HIRA: variants seen among roughly 807,000 people sequenced by gnomAD.
The protein encoded by HIRA is protein HIRA.
In HIRA, 13 loss-of-function variants were observed where a neutral mutation model predicts 126.6. The observed-to-expected ratio is 0.10, with a 90% CI of 0.07 to 0.16. The LOEUF (loss-of-function observed/expected upper bound fraction) is 0.16. Ranked by LOEUF, HIRA falls within the 10% of genes least tolerant of loss-of-function variation. The probability of loss-of-function intolerance (pLI) is 1.00; values close to 1 mark genes in which losing one functional copy is unlikely to be tolerated. For synonymous variants in HIRA, 511 were observed against 520.0 expected, an observed-to-expected ratio of 0.98 and a Z score of 0.24; for missense variants, 834 against 1,314.4, an observed-to-expected ratio of 0.63 and a Z score of 5.65.
chr22:19,377,235 C>G (rs2089028139), intron 14 of HIRA, among the ~76,000 whole-genome samples: 1 of 152,078 alleles, frequency 6.6e-6, no homozygotes, highest in Non-Finnish European at 1.5e-5. Flanking sequence ...CTCTCCCCCA[C>G]CAGCCTACAC....
intron 5 of HIRA, among the ~76,000 whole-genome samples, chr22:19,405,032 G>T (rs913037628): frequency 2.0e-5 from 3 of 152,110 alleles, no homozygotes; most frequent in African/African-American, 7.2e-5. Flanking sequence ...CCATGACAAG[G>T]GACTCCCTCA....
intron 12 of HIRA, among the ~76,000 whole-genome samples, chr22:19,384,640 G>A (rs1437084523): frequency 6.6e-6 from 1 of 151,764 alleles, no homozygotes; most frequent in African/African-American, 2.4e-5. Context: ...CTGTCACTAA[G>A]CTAGGGATTT....
At chr22:19,387,978 G>C (rs945257343) in intron 10 of HIRA, among the ~76,000 whole-genome samples, 162 bp from the exon 11 acceptor site, 39 of 151,462 alleles carry the variant, frequency 2.6e-4, no homozygotes, top group African/African-American at 3.2e-4. Flanking sequence ...TGGGCGGGGG[G>C]GGGAGGGGGC....
chr22:19,430,498 T>C (rs1429647979), intron 1 of HIRA, among the ~76,000 whole-genome samples: 2 of 152,150 alleles, frequency 1.3e-5, no homozygotes, highest in East Asian at 3.9e-4. Context: ...GTAGTCGCAC[T>C]GCAAAGTAGA....
intron 1 of HIRA, among the ~76,000 whole-genome samples, chr22:19,430,953 GACC>G (rs1471146073): frequency 1.3e-5 from 2 of 152,170 alleles, no homozygotes; most frequent in Admixed American, 1.3e-4. Context: ...CCTATTTAGG[GACC>G]ACAATTCCCC....
At chr22:19,367,396 T>C (rs1227708735) in intron 15 of HIRA, among the ~76,000 whole-genome samples, 1 of 149,714 alleles carries the variant, frequency 6.7e-6, no homozygotes, top group Non-Finnish European at 1.5e-5. Context: ...AGACGGAGTC[T>C]CACTCTGTTG....
intron 11 of HIRA, 124 bp downstream of exon 11, chr22:19,387,587 A>G: frequency 1.5e-6 from 1 of 646,588 alleles, no homozygotes; most frequent in East Asian, 2.7e-5. Flanking sequence ...TGAATACCCC[A>G]TTACATGTTA....
chr22:19,359,476 G>A lies in HIRA; in HGVS notation c.2094C>T (p.Ser698=), dbSNP rs148683985. ...PQRAFTLQVS[S]DPSMYIEVEN... The stretch of plus-strand genomic sequence containing the variant: ...CCACCTCAATGTACATGGAAGGATC[G>A]GAGCTGACCTGGATGAAGTAAACAC... The change falls in exon 18 of 25, where the codon TCC becomes TCT. Residue 698 remains serine, a synonymous_variant. Coordinates refer to ENST00000263208, the MANE Select transcript of HIRA (RefSeq NM_003325.4). The A allele has an allele frequency of 4.9e-5, 78 of 1,603,970 alleles. 1 individual carries two copies. Among genetic ancestry groups the A allele is most frequent in the Non-Finnish European group, 6.2e-5 (73 of 1,175,564 alleles).
intron 24 of HIRA, among the ~76,000 whole-genome samples, chr22:19,333,023 C>T (rs919955514): frequency 6.6e-6 from 1 of 152,160 alleles, no homozygotes; most frequent in Non-Finnish European, 1.5e-5. Flanking sequence ...ATCCTCCTGC[C>T]TCAGTTACCC....
intron 1 of HIRA, among the ~76,000 whole-genome samples, chr22:19,415,428 G>C (rs978191167): frequency 4.6e-5 from 7 of 152,162 alleles, no homozygotes; most frequent in Admixed American, 4.6e-4. Context: ...ACTGCTGAAG[G>C]AAATCAAAGA....
At position 19,361,915 on chromosome 22, in the gene HIRA, G is replaced by C. The variant is rs766459895; in HGVS notation, c.1792C>G (p.Leu598Val). The part of the protein sequence containing the change: ...TAVERLKEQN[L>V]VKELRPRDLL... ...TCTCGGGGCCTCAGCTCTTTCACAA[G>C]GTTCTGCTCTTTTAACCTGCACAAA... is the stretch of plus-strand genomic sequence containing the variant. Residue 598 changes from leucine (L) to valine (V), a missense_variant, in exon 16 of 25, where the codon CTT becomes GTT. Leu to Val is a conservative substitution (Grantham distance 32). Transcript: ENST00000263208. 7.4e-6 allele frequency: 12 copies of C among 1,614,156 alleles called. No individual in the cohort carries two copies. The African/African-American group carries it at 1.5e-4, about 20-fold the overall frequency.
At chr22:19,392,478 A>C (rs563028896) in intron 8 of HIRA, among the ~76,000 whole-genome samples, 5 of 152,246 alleles carry the variant, frequency 3.3e-5, no homozygotes, top group Non-Finnish European at 7.3e-5. Context: ...CAAACTCTCC[A>C]TTTCTGGAGC....
chr22:19,335,425 A>C (rs1601795064), intron 24 of HIRA, among the ~76,000 whole-genome samples: 2 of 152,108 alleles, frequency 1.3e-5, no homozygotes, highest in South Asian at 2.1e-4. Flanking sequence ...TTGTATTTCT[A>C]GTAGAGATGG....
chr22:19,379,654 ATTTCT>A (rs2089053868), intron 13 of HIRA, among the ~76,000 whole-genome samples: 1 of 133,568 alleles, frequency 7.5e-6, no homozygotes, highest in African/African-American at 2.8e-5. Context: ...GAAATACTTG[ATTTCT>A]TTTTTTTTTT....
intron 24 of HIRA, among the ~76,000 whole-genome samples, chr22:19,342,842 A>T (rs1291851752): frequency 2.0e-5 from 3 of 152,268 alleles, no homozygotes; most frequent in Non-Finnish European, 4.4e-5. Context: ...ATACGGAACC[A>T]GTCTAAATGC....
chr22:19,420,658 T>G (rs991192654), intron 1 of HIRA, among the ~76,000 whole-genome samples: 3 of 152,020 alleles, frequency 2.0e-5, no homozygotes. Context: ...AAGGCTGCAG[T>G]GAACTATGGT....
At chr22:19,403,717 AC>A (rs1203518182) in intron 5 of HIRA, among the ~76,000 whole-genome samples, 4 of 152,148 alleles carry the variant, frequency 2.6e-5, no homozygotes, top group South Asian at 2.1e-4. Context: ...TGCTTTTGTT[AC>A]ATTATTTTTC....
At chr22:19,375,241 G>A (rs1285305412) in intron 15 of HIRA, among the ~76,000 whole-genome samples, 1 of 152,138 alleles carries the variant, frequency 6.6e-6, no homozygotes, top group Non-Finnish European at 1.5e-5. Context: ...TTTCTGAGTG[G>A]AAGGCCGTCA....
chr22:19,361,956 T>G (rs1163312144), intron 15 of HIRA, 25 bp from the exon 16 acceptor site: 1 of 1,606,480 alleles, frequency 6.2e-7, no homozygotes, highest in East Asian at 2.2e-5. Flanking sequence ...TACATCACAC[T>G]TCCCTTCAGA....
Sources: allele counts gnomAD v4.1 joint callset (sites outside exome capture counted in the v4.1 genomes callset), GRCh38; gene constraint gnomAD v4.1.1; transcripts MANE v1.5; gene names NCBI Gene and HGNC (gene_info 2026-07-23, HGNC 2026-07-21).